Variants in TNK2 observed in about 807,000 individuals in gnomAD.
The protein encoded by TNK2 is tyrosine kinase non receptor 2, also known as activated CDC42 kinase 1.
TNK2 carries 83 observed loss-of-function variants against 101.8 expected under a neutral mutation model. The ratio of observed to expected loss-of-function variants is 0.82; its 90% CI spans 0.68 to 0.98. TNK2 has a LOEUF of 0.98. Ranked by LOEUF, TNK2 falls within the 50% of genes least tolerant of loss-of-function variation. TNK2 has a pLI of 0.00. For synonymous variants in TNK2, 804 were observed against 633.0 expected (o/e 1.27, Z -4.06); for missense variants, 1,665 against 1,483.2 (o/e 1.12, Z -2.01).
intron 1 of TNK2, chr3:195,892,048 C>G (rs894708611): frequency 5.5e-5 from 56 of 1,024,676 alleles, no homozygotes; most frequent in Non-Finnish European, 6.0e-5. Context: ...CAGGGTGACT[C>G]CGCAGGGGTC....
At chr3:195,877,978 G>A (rs1338499488) in intron 9 of TNK2, among the ~76,000 whole-genome samples, 2 of 152,098 alleles carry the variant, frequency 1.3e-5, no homozygotes, top group Non-Finnish European at 2.9e-5. Flanking sequence ...CCGAGGCCAG[G>A]CCACTCCCTA....
intron 1 of TNK2, among the ~76,000 whole-genome samples, chr3:195,902,529 A>G (rs1337694769): frequency 2.0e-5 from 3 of 151,216 alleles, no homozygotes; most frequent in Non-Finnish European, 2.9e-5. Context: ...GAGGCAGGAC[A>G]ATTGCTTGAA....
At chr3:195,874,077 A>G (rs1351673860) in intron 9 of TNK2, among the ~76,000 whole-genome samples, 2 of 152,180 alleles carry the variant, frequency 1.3e-5, no homozygotes, top group Non-Finnish European at 2.9e-5. Context: ...CCCGTAGAGG[A>G]GGAACCCCGG....
chr3:195,869,723 C>T (rs182599822), intron 11 of TNK2, 182 bp from the exon 12 acceptor site: 116 of 664,196 alleles, frequency 1.7e-4, no homozygotes, highest in Non-Finnish European at 2.6e-4. Flanking sequence ...AGGAACACGG[C>T]GGTCCAGTAT....
At chr3:195,866,801 G>T in intron 15 of TNK2, 88 bp downstream of exon 15, 1 of 1,522,980 alleles carries the variant, frequency 6.6e-7, no homozygotes, top group African/African-American at 1.4e-5. Flanking sequence ...GGAGCGGCCT[G>T]CGAGGTGTTG....
chr3:195,882,925 G>A lies in TNK2; in HGVS notation c.609+232C>T, dbSNP rs544638807. ...TCAGTGGCCAGCCCCTCCCATGGGAGTAACTCTCTTGACACTGAGCACCAG... is the reference window on the plus strand; with the variant it reads ...TCAGTGGCCAGCCCCTCCCATGGGAATAACTCTCTTGACACTGAGCACCAG... On this transcript the variant is annotated intron_variant, in intron 5 of 15. Transcript: ENST00000672887. The surrounding 1 kb of genome is among the most constrained non-coding windows in gnomAD (Gnocchi z 4.2). Among the ~76,000 whole-genome samples, 37 of 152,278 alleles carry A rather than the reference G, an allele frequency of 2.4e-4. No homozygotes were observed. Among genetic ancestry groups the A allele is most frequent in the Middle Eastern group, 3.4e-3 (1 of 294 alleles).
Position 195,869,381 on chromosome 3 carries a change from A to G in TNK2, c.1588+116T>C, listed in dbSNP as rs1004111075. The G allele has an allele frequency of 9.4e-6, 10 of 1,066,442 alleles. No homozygotes were observed. The South Asian group carries it at 1.4e-4, about 15-fold the overall frequency. The allele number at this position is 1,066,442 out of a possible 1,614,324, so 66.1% of individuals were successfully genotyped here. On this transcript the variant is annotated intron_variant, in intron 12 of 15. Transcript: ENST00000672887. ...CAGGGCAGCCGCGGAAGCTCACAGC[A>G]CACACCCACCCACCTCCCCTCCGGC...
chr3:195,880,088 G>T (rs1285260411), intron 6 of TNK2, among the ~76,000 whole-genome samples: 1 of 152,038 alleles, frequency 6.6e-6, no homozygotes, highest in African/African-American at 2.4e-5. Flanking sequence ...AGCAGAACTG[G>T]AACAACCCTT....
chr3:195,895,494 C>T lies in TNK2; in HGVS notation c.-18-6888G>A, dbSNP rs2149804719. On this transcript the variant is annotated intron_variant, in intron 1 of 15. Coordinates refer to ENST00000672887, the MANE Select transcript of TNK2 (RefSeq NM_001382273.1). The stretch of plus-strand genomic sequence containing the variant: ...CCATCGGCCGGCGGCCGGGTGGTCG[C>T]GCCCCTCCTCCTGCCGGCCTGCGGC... 4.4e-6 allele frequency: 6 copies of T among 1,357,660 alleles called. No individual in the cohort carries two copies. The East Asian group carries it at 1.9e-4, about 42-fold the overall frequency. The allele number at this position is 1,357,660 out of a possible 1,614,324, so 84.1% of individuals were successfully genotyped here. A position where few individuals can be genotyped will look rare whatever the true frequency, so the allele number is the denominator to read the frequency against.
In TNK2 at chr3:195,867,165, G is replaced by T. The variant is rs1003586318; in HGVS notation, c.3033+4C>A. ...GAGCCAGAGTGAGCAGGAGGTGGCG[G>T]TACCTTCAGATACTGGGCAGCCCTC... On this transcript the variant is annotated splice_donor_region_variant and intron_variant, in intron 14 of 15. Coordinates refer to ENST00000672887, the MANE Select transcript of TNK2 (RefSeq NM_001382273.1). The T allele has an allele frequency of 6.2e-7, 1 of 1,612,532 alleles. No individual in the cohort carries two copies. The highest frequency in any genetic ancestry group is 8.5e-7 in the Non-Finnish European group (1 of 1,179,716).
intron 15 of TNK2, among the ~76,000 whole-genome samples, chr3:195,865,704 A>T (rs917040354): frequency 1.7e-4 from 26 of 149,958 alleles, no homozygotes; most frequent in Non-Finnish European, 3.7e-4. Flanking sequence ...GAACGACCCG[A>T]GACAGTATGG....
rs559677615 is a variant in TNK2, at chr3:195,868,178, T to C, written c.2120A>G (p.Gln707Arg). The C allele has an allele frequency of 7.5e-6, 12 of 1,609,870 alleles. No homozygotes were observed. In the African/African-American group the frequency reaches 1.3e-4, roughly 18 times the overall value. Residue 707 changes from glutamine (Q) to arginine (R), a missense_variant, in exon 13 of 16, where the codon CAG becomes CGG. By Grantham distance (43) the Gln-to-Arg change is conservative. This residue lies in a region of TNK2 where 1,136 missense variants were observed against 894.9 expected (regional missense o/e 1.27). Transcript: ENST00000672887. ...PLEDNLFLPP[Q>R]GGGKPPSSAQ... ...GGAGCTGGGCGGCTTGCCCCCACCC[T>C]GGGGCGGGAGGAACAGGTTGTCCTC...
chr3:195,905,722 G>A (rs1483657883), intron 1 of TNK2, among the ~76,000 whole-genome samples: 2 of 152,112 alleles, frequency 1.3e-5, no homozygotes, highest in Admixed American at 1.3e-4. Flanking sequence ...AAACTGTTGG[G>A]ACTTTGGGTC....
At chr3:195,896,133 G>A (rs1457163378) in intron 1 of TNK2, 3 of 455,406 alleles carry the variant, frequency 6.6e-6, no homozygotes, top group Admixed American at 2.4e-5. Context: ...CGGGGGTGCC[G>A]CGCCCAGCAC....
intron 1 of TNK2, chr3:195,895,548 C>T (rs1760240098): frequency 7.5e-7 from 1 of 1,329,812 alleles, no homozygotes; most frequent in East Asian, 3.1e-5. Flanking sequence ...GTCCCAGCTC[C>T]GTTCCTCCTC....
At chr3:195,905,117 T>C (rs1208526356) in intron 1 of TNK2, among the ~76,000 whole-genome samples, 1 of 152,208 alleles carries the variant, frequency 6.6e-6, no homozygotes, top group African/African-American at 2.4e-5. Context: ...GTAATCAAGA[T>C]AGTGTGATAC....
chr3:195,869,208 C>T (rs1325624766), intron 12 of TNK2: 11 of 583,032 alleles, frequency 1.9e-5, no homozygotes, highest in Non-Finnish European at 3.1e-5. Context: ...GGCAGCGAGG[C>T]CAAGGCAGAA....
chr3:195,867,310 A>C (rs1244740922), intron 13 of TNK2, 46 bp from the exon 14 acceptor site: 1 of 1,610,988 alleles, frequency 6.2e-7, no homozygotes, highest in Non-Finnish European at 8.5e-7. Context: ...CCACTGCTCC[A>C]GGCCCCTTGG....
intron 1 of TNK2, among the ~76,000 whole-genome samples, chr3:195,890,444 T>C (rs569666859): frequency 3.4e-5 from 5 of 149,140 alleles, no homozygotes; most frequent in African/African-American, 9.9e-5. Flanking sequence ...AGTACTTTTA[T>C]AGTTTTTTGG....
Sources: gnomAD v4.1 joint callset for allele counts (sites outside exome capture counted in the v4.1 genomes callset) on GRCh38, gnomAD v4.1.1 for gene constraint, gnomAD v4.1.1 regional missense constraint, Gnocchi (gnomAD v3.1) non-coding constraint, MANE v1.5 for transcripts, NCBI Gene and HGNC (gene_info 2026-07-23, HGNC 2026-07-21) for gene names.